NHSL1: variants seen among roughly 807,000 people sequenced by gnomAD.
NHSL1 encodes the protein NHS-like protein 1.
Under a neutral mutation model 95.0 loss-of-function variants are expected in NHSL1, and 48 were observed. The observed-to-expected ratio is 0.51, with a 90% confidence interval of 0.40 to 0.64. The LOEUF is 0.64. Among genes scored for constraint, NHSL1 ranks in the 30% least tolerant of loss-of-function variants. The pLI is 0.00. For missense variants in NHSL1, 1,971 were observed against 2,077.7 expected, an observed-to-expected ratio of 0.95 and a Z score of 1.00; for synonymous variants, 783 against 833.9, an observed-to-expected ratio of 0.94 and a Z score of 1.05.
At chr6:138,677,312 C>G (rs1382115391) in intron 1 of NHSL1, among the ~76,000 whole-genome samples, 1 of 152,040 alleles carries the variant, frequency 6.6e-6, no homozygotes, top group Admixed American at 6.6e-5. Flanking sequence ...ATCCTCTCTC[C>G]TCCAATTTTG....
At chr6:138,606,302 A>C (rs1372748137) in intron 1 of NHSL1, among the ~76,000 whole-genome samples, 1 of 152,242 alleles carries the variant, frequency 6.6e-6, no homozygotes, top group African/African-American at 2.4e-5. Context: ...CATCTGCGAT[A>C]GAGTATGATT....
chr6:138,451,705 G>A (rs1777249704), intron 3 of NHSL1, among the ~76,000 whole-genome samples: 1 of 152,140 alleles, frequency 6.6e-6, no homozygotes, highest in South Asian at 2.1e-4. Context: ...CTTGACTTTT[G>A]GAAAGTTCAC....
At chr6:138,570,184 T>C (rs564769868) in intron 1 of NHSL1, among the ~76,000 whole-genome samples, 38 of 152,358 alleles carry the variant, frequency 2.5e-4, no homozygotes, top group African/African-American at 8.4e-4. Flanking sequence ...CATGCTCACA[T>C]GTATACAGTC....
chr6:138,611,960 A>C (rs1784519087), intron 1 of NHSL1, among the ~76,000 whole-genome samples: 1 of 151,404 alleles, frequency 6.6e-6, no homozygotes. Flanking sequence ...AAATACAAAA[A>C]TTAGCCAGGC....
chr6:138,467,321 T>A (rs1410233707), intron 3 of NHSL1, among the ~76,000 whole-genome samples: 1 of 151,910 alleles, frequency 6.6e-6, no homozygotes, highest in Non-Finnish European at 1.5e-5. Flanking sequence ...CCTGGCTAAT[T>A]TTTTGTATTT....
chr6:138,501,146 A>G (rs1353427943), upstream of NHSL1, among the ~76,000 whole-genome samples: 3 of 152,186 alleles, frequency 2.0e-5, no homozygotes, highest in African/African-American at 4.8e-5. Context: ...GAAAACAGAA[A>G]TTGTTCTTTC....
At chr6:138,463,684 C>A (rs1308617025) in intron 3 of NHSL1, among the ~76,000 whole-genome samples, 1 of 151,936 alleles carries the variant, frequency 6.6e-6, no homozygotes, top group Non-Finnish European at 1.5e-5. Flanking sequence ...TAATGCTCTC[C>A]CTCCCCTTTG....
At chr6:138,631,152 C>T (rs568695449) in intron 1 of NHSL1, among the ~76,000 whole-genome samples, 8 of 152,308 alleles carry the variant, frequency 5.3e-5, no homozygotes, top group Non-Finnish European at 7.3e-5. Flanking sequence ...CGCCCGCCCA[C>T]GCAGGGAGCA....
At chr6:138,462,710 A>G (rs1234099833) in intron 3 of NHSL1, among the ~76,000 whole-genome samples, 1 of 152,216 alleles carries the variant, frequency 6.6e-6, no homozygotes, top group Non-Finnish European at 1.5e-5. Context: ...GCAGCACTTG[A>G]GGCTTGAGGT....
intron 1 of NHSL1, among the ~76,000 whole-genome samples, chr6:138,609,067 A>G (rs956260602): frequency 1.3e-5 from 2 of 152,226 alleles, no homozygotes; most frequent in Non-Finnish European, 2.9e-5. Flanking sequence ...GCCTATGTAA[A>G]GGGTCCACGA....
chr6:138,545,852 A>G (rs1012094480), upstream of NHSL1: 1 of 1,126,244 alleles, frequency 8.9e-7, no homozygotes, highest in Non-Finnish European at 1.1e-6. Context: ...ATTTCACACC[A>G]TGGAATCAGC....
Position 138,447,084 on chromosome 6 carries a change from G to A in NHSL1, c.449C>T (p.Ser150Leu), listed in dbSNP as rs552954031. The change falls in exon 4 of 8, where the codon TCG (serine) becomes TTG (leucine). Residue 150 changes from serine (S) to leucine (L), a missense_variant. Physicochemically the swap from Ser to Leu is moderately radical, Grantham distance 145. Transcript: ENST00000343505. Reference sequence around the variant, plus strand: ...CTCTTCTGGTGTTGGCAGTGGAAGCGACTTGGTCCAGTTCGTCTGAGTATT... The same window carrying A: ...CTCTTCTGGTGTTGGCAGTGGAAGCAACTTGGTCCAGTTCGTCTGAGTATT... ...DLNTQTNWTK[S>L]LPLPTPEEKM... 2.2e-4 allele frequency: 339 copies of A among 1,551,728 alleles called. 1 individual carries two copies. Among genetic ancestry groups the A allele is most frequent in the Middle Eastern group, 1.3e-3 (8 of 5,990 alleles).
At chr6:138,657,719 G>A (rs1583468811) in intron 1 of NHSL1, among the ~76,000 whole-genome samples, 5 of 150,106 alleles carry the variant, frequency 3.3e-5, no homozygotes, top group Middle Eastern at 3.5e-3. Flanking sequence ...GGAGGCAGAG[G>A]CAGGAGAATG....
At chr6:138,568,518 G>A (rs1005438465) in intron 1 of NHSL1, among the ~76,000 whole-genome samples, 1 of 152,172 alleles carries the variant, frequency 6.6e-6, no homozygotes, top group Non-Finnish European at 1.5e-5. Flanking sequence ...ATCTACTACT[G>A]TAGTGGGTCA....
chr6:138,484,591 T>A (rs1434414775), intron 2 of NHSL1, among the ~76,000 whole-genome samples: 1 of 152,150 alleles, frequency 6.6e-6, no homozygotes, highest in East Asian at 1.9e-4. Context: ...AAAGACTGGT[T>A]TTCCCCCATG....
At position 138,430,651 on chromosome 6, in the gene NHSL1, T is replaced by C. The variant is rs2128195736; in HGVS notation, c.3694A>G (p.Thr1232Ala). The C allele has an allele frequency of 6.4e-7, 1 of 1,551,616 alleles. No homozygotes were observed. The highest frequency in any genetic ancestry group is 1.2e-5 in the South Asian group (1 of 84,064). Reference sequence around the variant, plus strand: ...CTGTGCACAGAGCCCTCCTCTCCCGTCGTGGGGCTGGGCACAGCTCGGAGG... The same window carrying C: ...CTGTGCACAGAGCCCTCCTCTCCCGCCGTGGGGCTGGGCACAGCTCGGAGG... ...EALRAVPSPTTGEEGSVHSRE... is the reference protein window; with the variant it reads ...EALRAVPSPTAGEEGSVHSRE... The change falls in exon 6 of 8, where the codon ACG becomes GCG. Residue 1232 changes from threonine (T) to alanine (A), a missense_variant. By Grantham distance (58) the Thr-to-Ala change is moderately conservative. This residue lies in a region of NHSL1 where 1,602 missense variants were observed against 1,654.5 expected (regional missense o/e 0.97). Transcript: ENST00000343505. This position sits in a 1 kb window ranked among gnomAD's most constrained non-coding sequence, Gnocchi z 4.7.
intron 3 of NHSL1, among the ~76,000 whole-genome samples, chr6:138,454,188 T>TGCGCGC (rs1554226358): frequency 1.4e-5 from 2 of 146,230 alleles, no homozygotes; most frequent in African/African-American, 5.1e-5. Flanking sequence ...GTTATATGTG[T>TGCGCGC]GCGTGTGTGT....
chr6:138,423,601 G>C lies in NHSL1; in HGVS notation c.*480C>G, dbSNP rs1326295761. 6.6e-6 allele frequency: 1 copy of C among 152,424 alleles called. No individual in the cohort carries two copies. The highest frequency in any genetic ancestry group is 2.1e-4 in the South Asian group (1 of 4,836). The allele number at this position is 152,424 out of a possible 1,614,324, so 9.4% of individuals were successfully genotyped here. ...CCAGCAACTCTACTGCCTCTTTCTT[G>C]AAGTAACATCTTCTCCTTTCTTACA... On this transcript the variant is annotated 3_prime_UTR_variant, in exon 8 of 8. Coordinates refer to ENST00000343505, the MANE Select transcript of NHSL1 (RefSeq NM_001144060.2).
chr6:138,650,630 G>A (rs1033666095), intron 1 of NHSL1: 12 of 573,960 alleles, frequency 2.1e-5, no homozygotes, highest in South Asian at 8.3e-5. Flanking sequence ...AGCTCAGCAC[G>A]CCACTATCCT....
Sources: gnomAD v4.1 joint callset for allele counts (sites outside exome capture counted in the v4.1 genomes callset) on GRCh38, gnomAD v4.1.1 for gene constraint, gnomAD v4.1.1 regional missense constraint, Gnocchi (gnomAD v3.1) non-coding constraint, MANE v1.5 for transcripts, NCBI Gene and HGNC (gene_info 2026-07-23, HGNC 2026-07-21) for gene names.